Variants in MTA1 observed in about 807,000 individuals in gnomAD.
MTA1 encodes metastasis associated 1.
In MTA1, 15 loss-of-function variants were observed where a neutral mutation model predicts 97.0. The observed-to-expected ratio is 0.15, with a 90% CI of 0.10 to 0.24. The LOEUF (loss-of-function observed/expected upper bound fraction) is 0.24, where lower values mean the gene tolerates loss of function less well. Among genes scored for constraint, MTA1 ranks in the 10% least tolerant of loss-of-function variants. The probability of loss-of-function intolerance (pLI) is 1.00; values close to 1 mark genes in which losing one functional copy is unlikely to be tolerated. For missense variants in MTA1, 709 were observed against 1,015.1 expected (o/e 0.70, Z 4.10); for synonymous variants, 435 against 417.5 (o/e 1.04, Z -0.51).
At chr14:105,436,720 T>C (rs782448938) in intron 1 of MTA1, among the ~76,000 whole-genome samples, 1 of 152,238 alleles carries the variant, frequency 6.6e-6, no homozygotes, top group Non-Finnish European at 1.5e-5. Flanking sequence ...TTAAGGGACA[T>C]TTTTCCCCCA....
intron 9 of MTA1, 110 bp downstream of exon 9, chr14:105,460,567 C>G (rs1363451408): frequency 3.2e-6 from 4 of 1,244,074 alleles, no homozygotes; most frequent in Non-Finnish European, 4.4e-6. Context: ...ATTCAGGACC[C>G]CTGCAGAGGT....
At chr14:105,444,784 C>G (rs1314262423) in intron 2 of MTA1, among the ~76,000 whole-genome samples, 1 of 145,840 alleles carries the variant, frequency 6.9e-6, no homozygotes, top group Non-Finnish European at 1.5e-5. Context: ...GAGTGAGACC[C>G]CATCTTAAAA....
In MTA1 at chr14:105,455,567, G is replaced by A. The variant is rs148347618; in HGVS notation, c.550+1257G>A. 2.5e-4 allele frequency among the ~76,000 whole-genome samples: 38 copies of A among 152,374 alleles called. No individual in the cohort carries two copies. The East Asian group carries it at 6.9e-3, about 28-fold the overall frequency. On this transcript the variant is annotated intron_variant, in intron 7 of 20. Transcript: ENST00000331320. ...CTTGTCCTGTTTTGGTTTGTTTTGA[G>A]AGCGGGTCTTGCTGTGTCGCCCAGG...
Position 105,464,746 on chromosome 14 carries a change from C to T in MTA1, c.1417C>T (p.Leu473=). 1.2e-6 allele frequency: 2 copies of T among 1,610,160 alleles called. No homozygotes were observed. The highest frequency in any genetic ancestry group is 2.2e-5 in the South Asian group (2 of 90,980). ...FAMKTRQAFY[L]HTTKLTRIAR... is the part of the protein sequence containing the mutation. ...CATGAAGACCAGGCAGGCTTTCTAT[C>T]TGCACACGACGAAGCTGACGCGGAT... The change falls in exon 15 of 21, where the codon CTG becomes TTG. Residue 473 remains leucine (L), a synonymous_variant. Coordinates refer to ENST00000331320, the MANE Select transcript of MTA1 (RefSeq NM_004689.4).
intron 6 of MTA1, 54 bp from the exon 7 acceptor site, chr14:105,454,139 C>G: frequency 7.0e-7 from 1 of 1,426,282 alleles, no homozygotes. Context: ...CTCTCTGACC[C>G]TCCCAGCAGC....
At chr14:105,427,409 C>T (rs1223424453) in intron 1 of MTA1, among the ~76,000 whole-genome samples, 2 of 152,218 alleles carry the variant, frequency 1.3e-5, no homozygotes, top group African/African-American at 2.4e-5. Flanking sequence ...TGCCGCAGTG[C>T]TGTTGAGTGT....
At chr14:105,441,268 GC>G (rs367613630) in intron 2 of MTA1, among the ~76,000 whole-genome samples, 2,530 of 151,368 alleles carry the variant, frequency 0.017, 66 homozygotes, top group African/African-American at 0.058. Context: ...GGGCCCCCCC[GC>G]CCCTCTTGCC....
At position 105,464,474 on chromosome 14, in the gene MTA1, C is replaced by T. The variant is rs139203829; in HGVS notation, c.1251C>T (p.Cys417=). 9.3e-6 allele frequency: 15 copies of T among 1,613,494 alleles called. No homozygotes were observed. The highest frequency in any genetic ancestry group is 4.0e-5 in the African/African-American group (3 of 74,898). ...CCCCTAACATGCAGTGTCGTCTCTGCGCATCTTGTTGGACATATTGGAAGA... is the reference window on the plus strand; with the variant it reads ...CCCCTAACATGCAGTGTCGTCTCTGTGCATCTTGTTGGACATATTGGAAGA... ...WGPPNMQCRL[C]ASCWTYWKKY... is the part of the protein sequence containing the mutation. Residue 417 remains cysteine (C), a synonymous_variant, in exon 14 of 21, where the codon TGC becomes TGT. Coordinates refer to ENST00000331320, the MANE Select transcript of MTA1 (RefSeq NM_004689.4).
chr14:105,447,982 C>T (rs2082776282), intron 3 of MTA1, among the ~76,000 whole-genome samples: 1 of 152,188 alleles, frequency 6.6e-6, no homozygotes, highest in Admixed American at 6.5e-5. Flanking sequence ...GCTGGGGCGT[C>T]CAGCCCACAG....
rs1446848077 is a variant in MTA1, at chr14:105,464,789, G to T, written c.1460G>T (p.Arg487Leu). ...ACGCGGATCGCCCGGCGCCTGTGCC[G>T]TGAGATCCTGCGCCCGTGGCACGCT... ...KLTRIARRLCREILRPWHAAR... is the reference protein window; with the variant it reads ...KLTRIARRLCLEILRPWHAAR... Residue 487 changes from arginine (R) to leucine (L), a missense_variant, in exon 15 of 21, where the codon CGT becomes CTT. Coordinates refer to ENST00000331320, the MANE Select transcript of MTA1 (RefSeq NM_004689.4). 1.2e-6 allele frequency: 2 copies of T among 1,606,370 alleles called. No individual in the cohort carries two copies. Among genetic ancestry groups the T allele is most frequent in the Non-Finnish European group, 8.5e-7 (1 of 1,174,940 alleles).
intron 1 of MTA1, among the ~76,000 whole-genome samples, chr14:105,432,224 T>C (rs1056352640): frequency 3.3e-5 from 5 of 152,034 alleles, no homozygotes; most frequent in African/African-American, 1.2e-4. Context: ...TCTATTGCTT[T>C]TTTATTTTTA....
At chr14:105,457,856 C>T (rs982765792) in intron 7 of MTA1, among the ~76,000 whole-genome samples, 2 of 151,808 alleles carry the variant, frequency 1.3e-5, no homozygotes, top group African/African-American at 2.4e-5. Context: ...ACCTGGGAGG[C>T]GGAGGTTGTA....
At position 105,465,095 on chromosome 14, in the gene MTA1, C is replaced by A; in HGVS notation, c.1536C>A (p.Cys512Ter). The A allele has an allele frequency of 6.6e-7, 1 of 1,510,774 alleles. No individual in the cohort carries two copies. Among genetic ancestry groups the A allele is most frequent in the South Asian group, 1.2e-5 (1 of 82,242 alleles). The allele number at this position is 1,510,774 out of a possible 1,614,324, so 93.6% of individuals were successfully genotyped here. A position where few individuals can be genotyped will look rare whatever the true frequency, so the allele number is the denominator to read the frequency against. Residue 512 changes from cysteine to a stop codon, truncating the protein, a stop_gained and splice_region_variant, in exon 16 of 21, where the codon TGC becomes TGA. Coordinates refer to ENST00000331320, the MANE Select transcript of MTA1 (RefSeq NM_004689.4). LOFTEE classifies it high-confidence loss of function. ...CTCACACCGTGTGGTACCCCGCAGG[C>A]ACGGCGCGGCTGCCCGAAGCCTCCC... is the stretch of plus-strand genomic sequence containing the variant. ...PINSAAIKAE[C>*]TARLPEASQS...
rs1490253171 is a variant in MTA1 at position 105,420,358 on chromosome 14, A to C, written c.28+295A>C. On this transcript the variant is annotated intron_variant, in intron 1 of 20. Coordinates refer to ENST00000331320, the MANE Select transcript of MTA1 (RefSeq NM_004689.4). The surrounding 1 kb of genome is among the most constrained non-coding windows in gnomAD (Gnocchi z 5.3). ...GGCGGGGGGGCGCGGGGCCTGCGGG[A>C]CATCCGGGGGTCCGGGGCCGGGAGC... 6.6e-6 allele frequency among the ~76,000 whole-genome samples: 1 copy of C among 151,298 alleles called. No individual in the cohort carries two copies. Among genetic ancestry groups the C allele is most frequent in the Non-Finnish European group, 1.5e-5 (1 of 67,718 alleles).
intron 2 of MTA1, among the ~76,000 whole-genome samples, chr14:105,441,768 T>C (rs1409367479): frequency 3.3e-5 from 5 of 152,098 alleles, no homozygotes; most frequent in East Asian, 1.9e-4. Flanking sequence ...CACTCCAGCC[T>C]GGGCGACAGA....
intron 18 of MTA1, 81 bp downstream of exon 18, chr14:105,466,823 G>A (rs2083612232): frequency 8.4e-6 from 12 of 1,425,478 alleles, no homozygotes; most frequent in East Asian, 2.5e-5. Context: ...TCCCCGCGGC[G>A]GGCGGCCCAG....
intron 3 of MTA1, 95 bp downstream of exon 3, chr14:105,445,606 G>A (rs1555426940): frequency 8.2e-7 from 1 of 1,215,228 alleles, no homozygotes; most frequent in African/African-American, 1.5e-5. Flanking sequence ...TCGGCATCCT[G>A]GCCTCGTGGG....
intron 7 of MTA1, chr14:105,454,572 GCA>G (rs2083070304): frequency 2.7e-6 from 1 of 364,124 alleles, no homozygotes; most frequent in Non-Finnish European, 5.2e-6. Flanking sequence ...AGCTGTCCTT[GCA>G]CAGTGACACC....
Position 105,445,504 on chromosome 14 carries a change from G to A in MTA1, c.183G>A (p.Lys61=). 1 of 1,613,254 alleles carries A rather than the reference G, an allele frequency of 6.2e-7. No individual in the cohort carries two copies. The highest frequency in any genetic ancestry group is 8.5e-7 in the Non-Finnish European group (1 of 1,179,876). ...GCACCCTCATCGCCCTGGCCGACAAGCACGCAAGTGAGTCCGGCCTTCCCT... is the reference window on the plus strand; with the variant it reads ...GCACCCTCATCGCCCTGGCCGACAAACACGCAAGTGAGTCCGGCCTTCCCT... ...ISSTLIALAD[K]HATLSVCYKA... Residue 61 remains lysine, a synonymous_variant, in exon 3 of 21, where the codon AAG becomes AAA. Coordinates refer to ENST00000331320, the MANE Select transcript of MTA1 (RefSeq NM_004689.4).
Sources: gnomAD v4.1 joint callset for allele counts (sites outside exome capture counted in the v4.1 genomes callset) on GRCh38, gnomAD v4.1.1 for gene constraint, Gnocchi (gnomAD v3.1) non-coding constraint, MANE v1.5 for transcripts, NCBI Gene and HGNC (gene_info 2026-07-23, HGNC 2026-07-21) for gene names.